UHRF2: variants seen among roughly 807,000 people sequenced by gnomAD.
The protein encoded by UHRF2 is E3 ubiquitin-protein ligase UHRF2.
UHRF2 carries 23 observed loss-of-function variants against 96.8 expected under a neutral mutation model. That is an observed-to-expected ratio of 0.24 (90% CI 0.17 to 0.34). The LOEUF (loss-of-function observed/expected upper bound fraction) is 0.34. Among genes scored for constraint, UHRF2 ranks in the 10% least tolerant of loss-of-function variants. UHRF2 has a pLI of 1.00. For synonymous variants in UHRF2, 385 were observed against 332.6 expected, an observed-to-expected ratio of 1.16 and a Z score of -1.72; for missense variants, 685 against 981.5, an observed-to-expected ratio of 0.70 and a Z score of 4.04.
intron 9 of UHRF2, among the ~76,000 whole-genome samples, chr9:6,487,871 T>G (rs2130931139): frequency 6.6e-6 from 1 of 152,358 alleles, no homozygotes; most frequent in Admixed American, 6.5e-5. Flanking sequence ...GGTTCCAGTG[T>G]TAAATCTATA....
At chr9:6,432,839 A>ATT (rs59582342) in intron 2 of UHRF2, among the ~76,000 whole-genome samples, 3 of 145,102 alleles carry the variant, frequency 2.1e-5, no homozygotes, top group African/African-American at 2.5e-5. Context: ...GGCTCTGGCC[A>ATT]TTTTTTTTTT....
At chr9:6,422,898 G>C (rs898154954) in intron 2 of UHRF2, 14 of 373,368 alleles carry the variant, frequency 3.7e-5, no homozygotes, top group African/African-American at 2.9e-4. Context: ...TAATCTGTTT[G>C]CTGATATAGA....
chr9:6,471,539 G>T (rs1470986850), intron 4 of UHRF2, among the ~76,000 whole-genome samples: 2 of 152,144 alleles, frequency 1.3e-5, no homozygotes, highest in Non-Finnish European at 2.9e-5. Context: ...CGCCCTCTTG[G>T]ATCACTCCCT....
intron 1 of UHRF2, 22 bp from the exon 2 acceptor site, chr9:6,420,890 C>G (rs1440543247): frequency 6.4e-7 from 1 of 1,574,356 alleles, no homozygotes; most frequent in South Asian, 1.1e-5. Context: ...AAGCATTTCA[C>G]TATTCTTTCT....
chr9:6,506,911 C>G lies in UHRF2; in HGVS notation c.*732C>G, dbSNP rs1223812104. ...ACTAGTCGAACTGCTTTTAGTGTCT[C>G]ACCAGTGGTTTTACATCTGCAGAGT... On this transcript the variant is annotated 3_prime_UTR_variant, in exon 16 of 16. Coordinates refer to ENST00000276893, the MANE Select transcript of UHRF2 (RefSeq NM_152896.3). 1 of 152,642 alleles carries G rather than the reference C, an allele frequency of 6.6e-6. No homozygotes were observed. Among genetic ancestry groups the G allele is most frequent in the African/African-American group, 2.4e-5 (1 of 41,460 alleles). 9.5% of individuals were successfully genotyped at this position (152,642 alleles called of 1,614,324 possible).
rs776960027 is a variant in UHRF2, at chr9:6,499,902, G to T, written c.1976G>T (p.Ser659Ile). 1 of 1,611,530 alleles carries T rather than the reference G, an allele frequency of 6.2e-7. No homozygotes were observed. Among genetic ancestry groups the T allele is most frequent in the Non-Finnish European group, 8.5e-7 (1 of 1,178,512 alleles). The change falls in exon 13 of 16, where the codon AGT (serine) becomes ATT (isoleucine). Residue 659 changes from serine to isoleucine, a missense_variant. Physicochemically the swap from Ser to Ile is moderately radical, Grantham distance 142. Coordinates refer to ENST00000276893, the MANE Select transcript of UHRF2 (RefSeq NM_152896.3). ...AAAGGACAGTCAAAGAAGCAGCCCA[G>T]TGGAACCACAAAAAGGCCAATTTCA... is the stretch of plus-strand genomic sequence containing the variant. ...KPKGQSKKQP[S>I]GTTKRPISDD... is the part of the protein sequence containing the mutation.
chr9:6,506,724 A>G lies in UHRF2; in HGVS notation c.*545A>G, dbSNP rs1587895447. 1.3e-5 allele frequency: 2 copies of G among 152,714 alleles called. No individual in the cohort carries two copies. The highest frequency in any genetic ancestry group is 4.1e-4 in the South Asian group (2 of 4,838). 9.5% of individuals were successfully genotyped at this position (152,714 alleles called of 1,614,324 possible). A position where few individuals can be genotyped will look rare whatever the true frequency, so the allele number is the denominator to read the frequency against. On this transcript the variant is annotated 3_prime_UTR_variant, in exon 16 of 16. Transcript: ENST00000276893. Reference sequence around the variant, plus strand: ...TTTTTTAGCCCACTTTGTGAACTCCATTGTGCTTTTTTCTGGTGTTTTATG... The same window carrying G: ...TTTTTTAGCCCACTTTGTGAACTCCGTTGTGCTTTTTTCTGGTGTTTTATG...
chr9:6,460,304 A>C lies in UHRF2; in HGVS notation c.645-269A>C, dbSNP rs184573023. Among the ~76,000 whole-genome samples the C allele has an allele frequency of 2.0e-5, 3 of 152,294 alleles. No homozygotes were observed. The East Asian group carries it at 5.8e-4, about 29-fold the overall frequency. ...TGCGGGCTGAACACTTACTTGCCTG[A>C]CAACCTGCAAGCCATGAAGAGATCC... is the stretch of plus-strand genomic sequence containing the variant. On this transcript the variant is annotated intron_variant, in intron 3 of 15. Coordinates refer to ENST00000276893, the MANE Select transcript of UHRF2 (RefSeq NM_152896.3).
chr9:6,488,486 C>G (rs972558031), intron 9 of UHRF2, among the ~76,000 whole-genome samples: 2 of 150,262 alleles, frequency 1.3e-5, no homozygotes, highest in African/African-American at 2.4e-5. Context: ...CAGACGTAGC[C>G]CCCCCACTGC....
At chr9:6,432,399 G>C (rs1820606686) in intron 2 of UHRF2, among the ~76,000 whole-genome samples, 1 of 152,110 alleles carries the variant, frequency 6.6e-6, no homozygotes, top group Non-Finnish European at 1.5e-5. Flanking sequence ...TTATTTCTAA[G>C]TTCCTCACTT....
chr9:6,503,864 T>G (rs1372389016), intron 14 of UHRF2, among the ~76,000 whole-genome samples: 1 of 152,048 alleles, frequency 6.6e-6, no homozygotes, highest in Non-Finnish European at 1.5e-5. Context: ...AGGGGGACAT[T>G]GACTTTTTAA....
intron 8 of UHRF2, among the ~76,000 whole-genome samples, chr9:6,486,092 A>G (rs1170418642): frequency 6.6e-6 from 1 of 152,202 alleles, no homozygotes; most frequent in Non-Finnish European, 1.5e-5. Flanking sequence ...AGAGGGTAAT[A>G]AATCATGTTG....
At chr9:6,480,361 C>A (rs922441338) in intron 6 of UHRF2, among the ~76,000 whole-genome samples, 3 of 152,186 alleles carry the variant, frequency 2.0e-5, no homozygotes, top group African/African-American at 7.2e-5. Flanking sequence ...ACATTTTTAT[C>A]ACAAACATTT....
chr9:6,484,357 T>C (rs1327533199), intron 8 of UHRF2, among the ~76,000 whole-genome samples: 2 of 151,858 alleles, frequency 1.3e-5, no homozygotes, highest in East Asian at 3.9e-4. Context: ...ATTATAGGCT[T>C]AGTGGCGGCG....
In UHRF2 at chr9:6,413,640, G is replaced by A. The variant is rs540145571; in HGVS notation, c.150G>A (p.Lys50=). The A allele has an allele frequency of 4.4e-6, 7 of 1,580,160 alleles. No individual in the cohort carries two copies. The highest frequency in any genetic ancestry group is 1.4e-5 in the African/African-American group (1 of 72,858). Residue 50 remains lysine (K), a synonymous_variant, in exon 1 of 16, where the codon AAG becomes AAA. Transcript: ENST00000276893. ...PECQRLFYRG[K]QLENGYTLFD... is the part of the protein sequence containing the mutation. Reference sequence around the variant, plus strand: ...GCCAGCGCCTCTTCTACCGGGGCAAGCAGGTGAGGCGCGCCCGCCGCGCCC... The same window carrying A: ...GCCAGCGCCTCTTCTACCGGGGCAAACAGGTGAGGCGCGCCCGCCGCGCCC...
At chr9:6,504,722 T>A (rs1416547380) in intron 15 of UHRF2, 31 bp downstream of exon 15, 3 of 1,565,944 alleles carry the variant, frequency 1.9e-6, no homozygotes, top group Non-Finnish European at 2.6e-6. Context: ...ACTTTCCCTG[T>A]TAGGTATGAA....
rs531708039 is a variant in UHRF2, at chr9:6,499,913, A to G, written c.1987A>G (p.Lys663Glu). ...QSKKQPSGTTKRPISDDDCPS... is the reference protein window; with the variant it reads ...QSKKQPSGTTERPISDDDCPS... Reference sequence around the variant, plus strand: ...AAAGAAGCAGCCCAGTGGAACCACAAAAAGGCCAATTTCAGATGGTAGGTA... The same window carrying G: ...AAAGAAGCAGCCCAGTGGAACCACAGAAAGGCCAATTTCAGATGGTAGGTA... The change falls in exon 13 of 16, where the codon AAA becomes GAA. Residue 663 changes from lysine (K) to glutamate (E), a missense_variant. Transcript: ENST00000276893. The G allele has an allele frequency of 1.6e-5, 26 of 1,611,192 alleles. No individual in the cohort carries two copies. The African/African-American group carries it at 2.5e-4, about 16-fold the overall frequency.
In UHRF2 at chr9:6,491,079, A is replaced by G. The variant is rs1824628526; in HGVS notation, c.1498-2747A>G. On this transcript the variant is annotated intron_variant, in intron 9 of 15. Transcript: ENST00000276893. The stretch of plus-strand genomic sequence containing the variant: ...GATAACTGAGTTAATATTTTAGCCT[A>G]GTAACTTAAGAATTAATCAAATGCC... 2.0e-5 allele frequency among the ~76,000 whole-genome samples: 3 copies of G among 152,368 alleles called. No individual in the cohort carries two copies. In the South Asian group the frequency reaches 6.2e-4, roughly 32 times the overall value.
chr9:6,429,824 T>A (rs1024465858), intron 2 of UHRF2, among the ~76,000 whole-genome samples: 2 of 152,232 alleles, frequency 1.3e-5, no homozygotes, highest in Admixed American at 1.3e-4. Flanking sequence ...GGGTGATAGA[T>A]GAAGAACTTG....
Sources: allele counts gnomAD v4.1 joint callset (sites outside exome capture counted in the v4.1 genomes callset), GRCh38; gene constraint gnomAD v4.1.1; transcripts MANE v1.5; gene names NCBI Gene and HGNC (gene_info 2026-07-23, HGNC 2026-07-21).